The following ME3 variants were observed in gnomAD, a reference collection of about 807,000 sequenced individuals.
ME3 encodes NADP-dependent malic enzyme, mitochondrial.
Under a neutral mutation model 68.9 loss-of-function variants are expected in ME3, and 48 were observed. That is an observed-to-expected ratio of 0.70 (90% CI 0.55 to 0.89). ME3 has a LOEUF of 0.89. Among genes scored for constraint, ME3 ranks in the 40% least tolerant of loss-of-function variants. The pLI, the probability that ME3 is intolerant of heterozygous loss-of-function variation, is 0.00. For synonymous variants in ME3, 320 were observed against 318.8 expected (o/e 1.00, Z -0.04); for missense variants, 675 against 797.4 (o/e 0.85, Z 1.85).
At chr11:86,588,756 C>G (rs1014616892) in intron 2 of ME3, among the ~76,000 whole-genome samples, 1 of 152,110 alleles carries the variant, frequency 6.6e-6, no homozygotes, top group South Asian at 2.1e-4. Flanking sequence ...TTAATGGGCT[C>G]AATTCATTTC....
intron 2 of ME3, among the ~76,000 whole-genome samples, chr11:86,622,542 CAGA>C (rs2135272856): frequency 6.6e-6 from 1 of 152,104 alleles, no homozygotes; most frequent in South Asian, 2.1e-4. Context: ...ATCAAGAGCT[CAGA>C]AGGTCTGTGG....
At chr11:86,612,819 A>G (rs558243155) in intron 2 of ME3, among the ~76,000 whole-genome samples, 24 of 152,318 alleles carry the variant, frequency 1.6e-4, no homozygotes, top group African/African-American at 5.8e-4. Context: ...GACCTTTGTC[A>G]GATGGATAGA....
intron 4 of ME3, among the ~76,000 whole-genome samples, chr11:86,525,720 G>C (rs1200448399): frequency 6.6e-6 from 1 of 152,072 alleles, no homozygotes; most frequent in Non-Finnish European, 1.5e-5. Flanking sequence ...AATTAGCCGT[G>C]TGTGGTGGCA....
At chr11:86,526,012 A>C (rs1438579627) in intron 4 of ME3, among the ~76,000 whole-genome samples, 1 of 152,220 alleles carries the variant, frequency 6.6e-6, no homozygotes, top group Admixed American at 6.5e-5. Context: ...GGAGTGTCAG[A>C]AAGTGGATGC....
At chr11:86,654,486 T>A (rs1426190490) in intron 2 of ME3, among the ~76,000 whole-genome samples, 8 of 152,140 alleles carry the variant, frequency 5.3e-5, no homozygotes, top group Admixed American at 6.5e-5. Flanking sequence ...ACAGAACCAG[T>A]GACAAAAACC....
intron 2 of ME3, among the ~76,000 whole-genome samples, chr11:86,585,587 G>A (rs1346103213): frequency 6.6e-6 from 1 of 152,170 alleles, no homozygotes; most frequent in Non-Finnish European, 1.5e-5. Context: ...CTCATCTCAA[G>A]TTTTACTTTA....
intron 8 of ME3, 51 bp from the exon 9 acceptor site, chr11:86,450,449 C>T: frequency 6.7e-7 from 1 of 1,491,340 alleles, no homozygotes; most frequent in Non-Finnish European, 9.3e-7. Context: ...CGCCAGCTCC[C>T]AAGAGAAGAC....
At chr11:86,486,440 TGCCCACCCCTGAA>T (rs1236367436) in intron 7 of ME3, among the ~76,000 whole-genome samples, 1 of 152,232 alleles carries the variant, frequency 6.6e-6, no homozygotes. Context: ...AATTACAGTT[TGCCCACCCCTGAA>T]GCCCACCCAG....
intron 6 of ME3, among the ~76,000 whole-genome samples, chr11:86,493,768 C>T (rs1952138864): frequency 6.6e-6 from 1 of 152,178 alleles, no homozygotes; most frequent in Non-Finnish European, 1.5e-5. Context: ...AGTTTCAGGG[C>T]TGTGGACAGC....
chr11:86,584,829 G>A (rs1307863575), intron 2 of ME3, among the ~76,000 whole-genome samples: 2 of 152,134 alleles, frequency 1.3e-5, no homozygotes, highest in African/African-American at 2.4e-5. Flanking sequence ...ATGGGTATAC[G>A]ATTTCAGTTA....
chr11:86,460,543 C>T (rs1277027100), intron 8 of ME3, among the ~76,000 whole-genome samples: 1 of 152,198 alleles, frequency 6.6e-6, no homozygotes, highest in Non-Finnish European at 1.5e-5. Flanking sequence ...TAGCATGACC[C>T]TAGTCTCATT....
intron 4 of ME3, among the ~76,000 whole-genome samples, chr11:86,523,906 T>A (rs535691613): frequency 7.8e-4 from 119 of 152,330 alleles, no homozygotes; most frequent in African/African-American, 2.8e-3. Context: ...GTCACAGATG[T>A]TTCCAATTAG....
At chr11:86,448,011 T>C in intron 11 of ME3, 139 bp downstream of exon 11, 1 of 624,168 alleles carries the variant, frequency 1.6e-6, no homozygotes, top group Non-Finnish European at 2.9e-6. Context: ...TAAAAGTTTG[T>C]GGCATTGAAT....
At chr11:86,653,765 G>A (rs1452350296) in intron 2 of ME3, among the ~76,000 whole-genome samples, 2 of 152,024 alleles carry the variant, frequency 1.3e-5, no homozygotes, top group Non-Finnish European at 2.9e-5. Flanking sequence ...CTGAAGGAGA[G>A]AGCGACACAA....
chr11:86,573,938 G>C, intron 2 of ME3, among the ~76,000 whole-genome samples: 1 of 152,154 alleles, frequency 6.6e-6, no homozygotes, highest in East Asian at 1.9e-4. Flanking sequence ...TGCGTTTATT[G>C]ATTTATGTAT....
intron 7 of ME3, among the ~76,000 whole-genome samples, chr11:86,471,653 A>G (rs1950789999): frequency 6.6e-6 from 1 of 152,240 alleles, no homozygotes; most frequent in African/African-American, 2.4e-5. Flanking sequence ...AGTATGATGT[A>G]ATAAAAATTC....
chr11:86,451,117 T>C (rs1188042492), intron 8 of ME3, among the ~76,000 whole-genome samples: 1 of 152,170 alleles, frequency 6.6e-6, no homozygotes. Flanking sequence ...TAAAAGGTAA[T>C]GGTGAAGGAC....
chr11:86,519,964 T>C (rs1954154571), intron 4 of ME3, among the ~76,000 whole-genome samples: 1 of 152,234 alleles, frequency 6.6e-6, no homozygotes, highest in Non-Finnish European at 1.5e-5. Context: ...CTGAACATGT[T>C]AGTGGTGGTT....
rs149425348 is a variant in ME3 at position 86,498,023 on chromosome 11, G to T, written c.645C>A (p.Cys215Ter). The T allele has an allele frequency of 6.2e-7, 1 of 1,612,978 alleles. No individual in the cohort carries two copies. The highest frequency in any genetic ancestry group is 1.1e-5 in the South Asian group (1 of 90,956). ...GGCACTGCTGCGGGTTCACCCCTCC[G>T]CATGCCGTGTACAGGGCCAGCTTGC... The change falls in exon 6 of 15, where the codon TGC becomes TGA. Residue 215 changes from cysteine to a stop codon, truncating the protein, a stop_gained. Transcript: ENST00000543262. LOFTEE classifies it high-confidence loss of function.
Sources: allele counts gnomAD v4.1 joint callset (sites outside exome capture counted in the v4.1 genomes callset), GRCh38; gene constraint gnomAD v4.1.1; transcripts MANE v1.5; gene names NCBI Gene and HGNC (gene_info 2026-07-23, HGNC 2026-07-21).